DCAF13: variants seen among roughly 807,000 people sequenced by gnomAD.
DCAF13 encodes the protein DDB1 and CUL4 associated factor 13.
In DCAF13, 38 loss-of-function variants were observed where a neutral mutation model predicts 59.0. The ratio of observed to expected loss-of-function variants is 0.64; its 90% confidence interval spans 0.50 to 0.84. The LOEUF (loss-of-function observed/expected upper bound fraction) is 0.84. Ranked by LOEUF, DCAF13 falls within the 40% of genes least tolerant of loss-of-function variation. DCAF13 has a pLI of 0.00. For synonymous variants in DCAF13, 173 were observed against 175.0 expected (o/e 0.99, Z 0.09); for missense variants, 469 against 558.4 (o/e 0.84, Z 1.61).
intron 7 of DCAF13, 122 bp from the exon 8 acceptor site, chr8:103,435,504 T>G: frequency 6.6e-6 from 5 of 762,890 alleles, no homozygotes; most frequent in Non-Finnish European, 7.9e-6. Context: ...TGTACAGCAT[T>G]GAGCTTTTTG....
At chr8:103,420,007 CAAA>C (rs57225658) in intron 1 of DCAF13, among the ~76,000 whole-genome samples, 4 of 81,244 alleles carry the variant, frequency 4.9e-5, no homozygotes, top group Non-Finnish European at 2.7e-5. Flanking sequence ...GACTCCGTCT[CAAA>C]AAAAAAAAAA....
chr8:103,438,674 C>T (rs552654829), intron 8 of DCAF13, among the ~76,000 whole-genome samples: 2 of 152,228 alleles, frequency 1.3e-5, no homozygotes, highest in East Asian at 1.9e-4. Flanking sequence ...GGATTATAGG[C>T]ATGAGCCACT....
intron 2 of DCAF13, chr8:103,420,674 A>C (rs1816710480): frequency 3.4e-6 from 2 of 589,598 alleles, no homozygotes. Context: ...ACAGTAAATT[A>C]AATAATCATG....
chr8:103,437,071 C>A (rs532878557), intron 8 of DCAF13, among the ~76,000 whole-genome samples: 2 of 152,308 alleles, frequency 1.3e-5, no homozygotes, highest in Non-Finnish European at 2.9e-5. Flanking sequence ...GTTCTGATGA[C>A]TTTGATCTTC....
Position 103,430,549 on chromosome 8 carries a change from T to C in DCAF13, c.625-63T>C, listed in dbSNP as rs1009397550. 8 of 1,075,332 alleles carry C rather than the reference T, an allele frequency of 7.4e-6. No individual in the cohort carries two copies. In the African/African-American group the frequency reaches 8.0e-5, roughly 11 times the overall value. 66.6% of individuals were successfully genotyped at this position (1,075,332 alleles called of 1,614,324 possible). A position where few individuals can be genotyped will look rare whatever the true frequency, so the allele number is the denominator to read the frequency against. On this transcript the variant is annotated intron_variant, in intron 5 of 10. Coordinates refer to ENST00000612750, the MANE Select transcript of DCAF13 (RefSeq NM_015420.7). Reference sequence around the variant, plus strand: ...AAGGGCAATTAAATCATTTGTTTACTGAATGGATGTGGTTTGCTGCCAGGT... The same window carrying C: ...AAGGGCAATTAAATCATTTGTTTACCGAATGGATGTGGTTTGCTGCCAGGT...
chr8:103,420,636 T>G (rs1816710119), intron 2 of DCAF13, 173 bp downstream of exon 2: 1 of 638,350 alleles, frequency 1.6e-6, no homozygotes, highest in South Asian at 2.1e-5. Flanking sequence ...TAAGAAATTA[T>G]AAATGCAGTA....
intron 7 of DCAF13, 96 bp downstream of exon 7, chr8:103,432,837 ACC>A: frequency 1.4e-6 from 1 of 690,892 alleles, no homozygotes; most frequent in Non-Finnish European, 2.4e-6. Context: ...AGGTAGGTAT[ACC>A]TATAAAGTTT....
chr8:103,441,643 A>T, intron 10 of DCAF13, 25 bp downstream of exon 10: 1 of 1,603,774 alleles, frequency 6.2e-7, no homozygotes, highest in Non-Finnish European at 8.5e-7. Flanking sequence ...ATTTGACTCT[A>T]TTACCCTTTT....
chr8:103,437,541 C>T (rs1007893351), intron 8 of DCAF13, among the ~76,000 whole-genome samples: 9 of 152,074 alleles, frequency 5.9e-5, no homozygotes, highest in Non-Finnish European at 1.5e-5. Context: ...AAGAAATTGT[C>T]TCCTGATGTC....
At chr8:103,417,935 T>C (rs931092990) in intron 1 of DCAF13, among the ~76,000 whole-genome samples, 27 of 151,956 alleles carry the variant, frequency 1.8e-4, no homozygotes, top group African/African-American at 5.8e-4. Flanking sequence ...CTGGCTAACA[T>C]GGTGAAACCC....
chr8:103,420,450 C>T lies in DCAF13; in HGVS notation c.257C>T (p.Ala86Val), dbSNP rs201707246. 1 of 1,613,148 alleles carries T rather than the reference C, an allele frequency of 6.2e-7. No homozygotes were observed. Among genetic ancestry groups the T allele is most frequent in the Admixed American group, 1.7e-5 (1 of 59,886 alleles). ...AAGCTGGCTACTGTCCTTTCTGGGG[C>T]GTGTGATGGAGAGGCAAGTGTCAAT... Reference protein sequence around the residue: ...PEKLATVLSGACDGEVRIWNL... With the variant: ...PEKLATVLSGVCDGEVRIWNL... The change falls in exon 2 of 11, where the codon GCG becomes GTG. Residue 86 changes from alanine to valine, a missense_variant. Transcript: ENST00000612750.
intron 3 of DCAF13, among the ~76,000 whole-genome samples, chr8:103,421,856 C>T (rs1460368425): frequency 6.6e-6 from 1 of 152,094 alleles, no homozygotes; most frequent in Admixed American, 6.6e-5. Flanking sequence ...TTTGTTTATC[C>T]GTTCATTCAT....
At chr8:103,421,573 T>A (rs1258156997) in intron 3 of DCAF13, among the ~76,000 whole-genome samples, 1 of 152,186 alleles carries the variant, frequency 6.6e-6, no homozygotes, top group East Asian at 1.9e-4. Flanking sequence ...GAAACTATAG[T>A]CATTAAACAA....
chr8:103,425,662 AT>A (rs1816782394), intron 3 of DCAF13, among the ~76,000 whole-genome samples: 1 of 152,134 alleles, frequency 6.6e-6, no homozygotes, highest in South Asian at 2.1e-4. Flanking sequence ...TATTTTTTAC[AT>A]TTAAAATTAC....
At position 103,432,721 on chromosome 8, in the gene DCAF13, A is replaced by C. The variant is rs1262183937; in HGVS notation, c.765A>C (p.Thr255=). The stretch of plus-strand genomic sequence containing the variant: ...ACCCTATGGAAGCTTTCATTTTTAC[A>C]GCAGCAAATGAAGATTATAAGTAAG... ...CWNPMEAFIF[T]AANEDYNLYT... Residue 255 remains threonine (T), a synonymous_variant, in exon 7 of 11, where the codon ACA becomes ACC. Transcript: ENST00000612750. 5 of 1,599,980 alleles carry C rather than the reference A, an allele frequency of 3.1e-6. No individual in the cohort carries two copies. Among genetic ancestry groups the C allele is most frequent in the Non-Finnish European group, 3.4e-6 (4 of 1,168,744 alleles).
At chr8:103,435,965 G>A (rs551509281) in intron 8 of DCAF13, among the ~76,000 whole-genome samples, 175 bp downstream of exon 8, 2 of 152,232 alleles carry the variant, frequency 1.3e-5, no homozygotes, top group South Asian at 2.1e-4. Context: ...CATATGATAT[G>A]GCCTGTTGCT....
intron 9 of DCAF13, 178 bp downstream of exon 9, chr8:103,440,449 C>A (rs760741200): frequency 2.0e-6 from 1 of 506,504 alleles, no homozygotes; most frequent in Non-Finnish European, 3.3e-6. Context: ...TCATTCTGAT[C>A]TATTATTGTA....
chr8:103,438,903 C>T (rs1816968073), intron 8 of DCAF13, among the ~76,000 whole-genome samples: 1 of 152,108 alleles, frequency 6.6e-6, no homozygotes, highest in Non-Finnish European at 1.5e-5. Flanking sequence ...TTTTTAATGC[C>T]TTTCTTAACA....
chr8:103,442,408 A>G (rs1176359850), intron 10 of DCAF13: 1 of 155,452 alleles, frequency 6.4e-6, no homozygotes, highest in African/African-American at 2.4e-5. Flanking sequence ...CACCACCACC[A>G]TTTCCCGTGA....
Sources: gnomAD v4.1 joint callset for allele counts (sites outside exome capture counted in the v4.1 genomes callset) on GRCh38, gnomAD v4.1.1 for gene constraint, MANE v1.5 for transcripts, NCBI Gene and HGNC (gene_info 2026-07-23, HGNC 2026-07-21) for gene names.